Variants in JDP2 observed in about 807,000 individuals in gnomAD.
The protein encoded by JDP2 is progesterone receptor co-activator.
JDP2 carries 9 observed loss-of-function variants against 17.1 expected under a neutral mutation model. That is an observed-to-expected ratio of 0.53 (90% CI 0.32 to 0.92). The LOEUF (loss-of-function observed/expected upper bound fraction) is 0.92. JDP2 is among the 40% of genes least tolerant of loss of function. The pLI, the probability that JDP2 is intolerant of heterozygous loss-of-function variation, is 0.04. For missense variants in JDP2, 179 were observed against 220.0 expected (o/e 0.81, Z 1.18); for synonymous variants, 107 against 95.6 (o/e 1.12, Z -0.69).
Position 75,430,426 on chromosome 14 carries a change from G to A in JDP2, c.-24+2174G>A, listed in dbSNP as rs574737004. Among the ~76,000 whole-genome samples the A allele has an allele frequency of 8.5e-5, 13 of 152,282 alleles. No individual in the cohort carries two copies. Among genetic ancestry groups the A allele is most frequent in the African/African-American group, 2.4e-4 (10 of 41,550 alleles). On this transcript the variant is annotated intron_variant, in intron 1 of 3. Transcript: ENST00000651602. The surrounding 1 kb of genome is among the most constrained non-coding windows in gnomAD (Gnocchi z 4.5). ...GATGCAGTTTGCTTTTTTTCCATGC[G>A]AATGAATTATGTTTGAAACCGAAAT... is the stretch of plus-strand genomic sequence containing the variant.
chr14:75,462,675 G>A (rs1241325556), intron 3 of JDP2, among the ~76,000 whole-genome samples: 2 of 152,212 alleles, frequency 1.3e-5, no homozygotes, highest in African/African-American at 4.8e-5. Context: ...CACACAGGAA[G>A]CAGCAGACAC....
intron 2 of JDP2, among the ~76,000 whole-genome samples, chr14:75,456,513 G>C (rs898984776): frequency 2.6e-5 from 4 of 152,184 alleles, no homozygotes; most frequent in African/African-American, 9.7e-5. Flanking sequence ...TTAAATGTGT[G>C]CCTTGGGCAC....
chr14:75,458,661 T>C (rs1886219383), intron 2 of JDP2, among the ~76,000 whole-genome samples: 1 of 152,266 alleles, frequency 6.6e-6, no homozygotes, highest in African/African-American at 2.4e-5. Context: ...TAGAATGATT[T>C]ATATTCCTTG....
At chr14:75,452,586 C>T (rs1246997630) in intron 2 of JDP2, among the ~76,000 whole-genome samples, 1 of 152,144 alleles carries the variant, frequency 6.6e-6, no homozygotes, top group African/African-American at 2.4e-5. Flanking sequence ...TTGGCTCATG[C>T]GGTGTTCCTT....
intron 1 of JDP2, 29 bp from the exon 2 acceptor site, chr14:75,437,869 C>T (rs769350767): frequency 5.3e-6 from 8 of 1,504,806 alleles, no homozygotes; most frequent in Non-Finnish European, 7.2e-6. Context: ...ACCTGGCTGA[C>T]TGTCCTGCTC....
At position 75,469,421 on chromosome 14, in the gene JDP2, C is replaced by T. The variant is rs1448019454; in HGVS notation, c.438C>T (p.Val146=). 1 of 1,614,110 alleles carries T rather than the reference C, an allele frequency of 6.2e-7. No individual in the cohort carries two copies. Among genetic ancestry groups the T allele is most frequent in the Non-Finnish European group, 8.5e-7 (1 of 1,180,018 alleles). Residue 146 remains valine (V), a synonymous_variant, in exon 4 of 4, where the codon GTC becomes GTT. Transcript: ENST00000651602. ...CCTGCATCGTCCGGACCGACAGTGT[C>T]AAGACCCCCGAGTCAGAAGGCAACC... The part of the protein sequence containing the change: ...RPTCIVRTDS[V]KTPESEGNPL...
At chr14:75,457,725 C>A (rs1280507800) in intron 2 of JDP2, among the ~76,000 whole-genome samples, 1 of 152,216 alleles carries the variant, frequency 6.6e-6, no homozygotes, top group African/African-American at 2.4e-5. Context: ...CTGCTTAGGG[C>A]TCATGCAGAC....
In JDP2 at chr14:75,470,742, C is replaced by T. The variant is rs1886787684; in HGVS notation, c.*1267C>T. 6.6e-6 allele frequency: 1 copy of T among 152,346 alleles called. No homozygotes were observed. Among genetic ancestry groups the T allele is most frequent in the African/African-American group, 2.4e-5 (1 of 41,568 alleles). 9.4% of individuals were successfully genotyped at this position (152,346 alleles called of 1,614,324 possible). A position where few individuals can be genotyped will look rare whatever the true frequency, so the allele number is the denominator to read the frequency against. ...GACCTAAGTCTTGCCCTTGTGGGGC[C>T]TCCAGTAAGGAGTGAATCCTGTGCT... On this transcript the variant is annotated 3_prime_UTR_variant, in exon 4 of 4. Coordinates refer to ENST00000651602, the MANE Select transcript of JDP2 (RefSeq NM_001135048.2).
chr14:75,451,288 G>A (rs1338902381), intron 2 of JDP2, among the ~76,000 whole-genome samples: 1 of 151,732 alleles, frequency 6.6e-6, no homozygotes, highest in Admixed American at 6.6e-5. Context: ...GTCAAGGAGA[G>A]ACAGTGGGCC....
At chr14:75,456,288 T>C (rs1199894991) in intron 2 of JDP2, among the ~76,000 whole-genome samples, 2 of 152,238 alleles carry the variant, frequency 1.3e-5, no homozygotes, top group African/African-American at 2.4e-5. Flanking sequence ...CATCTCTGCA[T>C]GTTTCTCTCC....
chr14:75,429,004 G>A (rs1027778124), intron 1 of JDP2, among the ~76,000 whole-genome samples: 9 of 151,956 alleles, frequency 5.9e-5, no homozygotes, highest in African/African-American at 1.7e-4. Flanking sequence ...TTCAAAGGAG[G>A]TTGTCGAGGG....
chr14:75,438,046 C>T lies in JDP2; in HGVS notation c.126C>T (p.Asn42=). 6.2e-7 allele frequency: 1 copy of T among 1,614,038 alleles called. No individual in the cohort carries two copies. The highest frequency in any genetic ancestry group is 8.5e-7 in the Non-Finnish European group (1 of 1,179,968). ...VEELKYADIR[N]LGAMIAPLHF... ...AGCTGAAATACGCTGACATCCGCAA[C>T]CTCGGGGCCATGATTGCACCCTTGC... Residue 42 remains asparagine (N), a synonymous_variant, in exon 2 of 4, where the codon AAC becomes AAT. Coordinates refer to ENST00000651602, the MANE Select transcript of JDP2 (RefSeq NM_001135048.2).
intron 2 of JDP2, among the ~76,000 whole-genome samples, chr14:75,446,632 A>C (rs2139967762): frequency 6.6e-6 from 1 of 152,346 alleles, no homozygotes; most frequent in Admixed American, 6.5e-5. Context: ...AAGTAGAGCC[A>C]GTACTGTGGT....
intron 2 of JDP2, among the ~76,000 whole-genome samples, chr14:75,442,639 GA>G (rs1412134030): frequency 6.6e-6 from 1 of 152,102 alleles, no homozygotes; most frequent in Non-Finnish European, 1.5e-5. Context: ...ACTTCAGGCA[GA>G]AAAAAACAAA....
At chr14:75,436,185 A>G (rs183671907) in intron 1 of JDP2, among the ~76,000 whole-genome samples, 10 of 152,318 alleles carry the variant, frequency 6.6e-5, no homozygotes, top group Non-Finnish European at 1.5e-5. Flanking sequence ...CTCTTGGCCA[A>G]AACAGGTTCA....
intron 3 of JDP2, among the ~76,000 whole-genome samples, chr14:75,465,290 G>T (rs1435805765): frequency 4.5e-5 from 1 of 22,146 alleles, no homozygotes; most frequent in East Asian, 1.2e-3. Context: ...ATATGCCTTA[G>T]AATAGCTTTT....
rs147882361 is a variant in JDP2 at position 75,470,832 on chromosome 14, A to G, written c.*1357A>G. The G allele has an allele frequency of 1.5e-4, 23 of 152,364 alleles. No individual in the cohort carries two copies. Among genetic ancestry groups the G allele is most frequent in the East Asian group, 5.8e-4 (3 of 5,184 alleles). The allele number at this position is 152,364 out of a possible 1,614,324, so 9.4% of individuals were successfully genotyped here. ...TGCCAGGGAACAGCACTTGTCCCCA[A>G]TTCACAGATGGCGAATTAGAGGTCC... On this transcript the variant is annotated 3_prime_UTR_variant, in exon 4 of 4. Coordinates refer to ENST00000651602, the MANE Select transcript of JDP2 (RefSeq NM_001135048.2).
At chr14:75,459,247 C>CA (rs528296217) in intron 2 of JDP2, among the ~76,000 whole-genome samples, 6 of 152,234 alleles carry the variant, frequency 3.9e-5, no homozygotes, top group Non-Finnish European at 5.9e-5. Context: ...TGCCTGTCGT[C>CA]ACGGTTACCT....
In JDP2 at chr14:75,460,615, C is replaced by T. The variant is rs1410877439; in HGVS notation, c.202-811C>T. Among the ~76,000 whole-genome samples the T allele has an allele frequency of 3.3e-5, 5 of 152,318 alleles. No homozygotes were observed. The South Asian group carries it at 1.0e-3, about 32-fold the overall frequency. On this transcript the variant is annotated intron_variant, in intron 2 of 3. Coordinates refer to ENST00000651602, the MANE Select transcript of JDP2 (RefSeq NM_001135048.2). ...GCTTGGGCTGGGCAAAAGAAAAGGT[C>T]GTCACCGCCCGTTGGGTGCCACCTC...
Sources: gnomAD v4.1 joint callset for allele counts (sites outside exome capture counted in the v4.1 genomes callset) on GRCh38, gnomAD v4.1.1 for gene constraint, Gnocchi (gnomAD v3.1) non-coding constraint, MANE v1.5 for transcripts, NCBI Gene and HGNC (gene_info 2026-07-23, HGNC 2026-07-21) for gene names.